The following BCCIP variants were observed in gnomAD, a reference collection of about 807,000 sequenced individuals.
BCCIP encodes BRCA2 and CDKN1A interacting protein.
BCCIP carries 23 observed loss-of-function variants against 32.8 expected under a neutral mutation model. The observed-to-expected ratio is 0.70, with a 90% CI of 0.51 to 0.99. BCCIP has a LOEUF of 0.99. BCCIP is among the 50% of genes least tolerant of loss of function. The pLI is 0.00. For synonymous variants in BCCIP, 144 were observed against 137.6 expected, an observed-to-expected ratio of 1.05 and a Z score of -0.33; for missense variants, 378 against 379.8, an observed-to-expected ratio of 1.00 and a Z score of 0.04.
intron 3 of BCCIP, among the ~76,000 whole-genome samples, chr10:125,828,678 A>G (rs1236009692): frequency 6.6e-6 from 1 of 152,196 alleles, no homozygotes; most frequent in Admixed American, 6.5e-5. Context: ...TCTTTGGGTT[A>G]TCTGTTGTTT....
intron 5 of BCCIP, among the ~76,000 whole-genome samples, chr10:125,831,964 A>T (rs886922199): frequency 1.2e-4 from 18 of 152,252 alleles, no homozygotes; most frequent in African/African-American, 4.3e-4. Context: ...AAACTGGTAA[A>T]GTTCCCAAAT....
At chr10:125,825,830 T>C (rs1488943605) in intron 1 of BCCIP, 2 of 152,258 alleles carry the variant, frequency 1.3e-5, no homozygotes, top group East Asian at 1.9e-4. Context: ...GGTTTTGTTT[T>C]TGGCATTTTA....
chr10:125,835,002 A>G (rs543581052), intron 6 of BCCIP, among the ~76,000 whole-genome samples: 57 of 151,696 alleles, frequency 3.8e-4, no homozygotes, highest in East Asian at 1.6e-3. Flanking sequence ...GCGTGGTGGC[A>G]CGTGCCTGTA....
At chr10:125,830,039 A>C (rs966472636) in intron 3 of BCCIP, among the ~76,000 whole-genome samples, 1 of 152,158 alleles carries the variant, frequency 6.6e-6, no homozygotes, top group African/African-American at 2.4e-5. Context: ...TCTCTTGCTA[A>C]TGTGATAGGT....
In BCCIP at chr10:125,830,463, A is replaced by G. The variant is rs183924169; in HGVS notation, c.322-99A>G. The G allele has an allele frequency of 5.4e-5, 38 of 699,962 alleles. No homozygotes were observed. The African/African-American group carries it at 6.7e-4, about 12-fold the overall frequency. The allele number at this position is 699,962 out of a possible 1,614,324, so 43.4% of individuals were successfully genotyped here. ...TGGTAAAACAAAGTTTTGCTTTTGA[A>G]AAGTGAAAAGATAAATGAGGCCTAC... On this transcript the variant is annotated intron_variant, in intron 3 of 6. Transcript: ENST00000278100.
downstream of BCCIP, among the ~76,000 whole-genome samples, chr10:125,843,276 T>C (rs1008857698): frequency 6.6e-6 from 1 of 152,036 alleles, no homozygotes; most frequent in African/African-American, 2.4e-5. Flanking sequence ...AAGTAACATA[T>C]GGTAAAAATT....
downstream of BCCIP, among the ~76,000 whole-genome samples, chr10:125,839,742 A>T (rs113117556): frequency 2.0e-5 from 3 of 152,320 alleles, no homozygotes; most frequent in African/African-American, 7.2e-5. Flanking sequence ...TTTATCTTAA[A>T]ATTCAGGCAT....
chr10:125,852,239 AG>A, intron 7 of BCCIP: 4 of 1,593,482 alleles, frequency 2.5e-6, no homozygotes, highest in Non-Finnish European at 3.4e-6. Flanking sequence ...GAGAATGGGC[AG>A]GAGAAGGTGA....
chr10:125,852,117 T>C (rs1168682277), intron 7 of BCCIP, among the ~76,000 whole-genome samples: 3 of 152,080 alleles, frequency 2.0e-5, no homozygotes, highest in Non-Finnish European at 1.5e-5. Flanking sequence ...TTTGTGGGGT[T>C]TTAAAAATTA....
chr10:125,833,676 C>T, intron 5 of BCCIP, 96 bp from the exon 6 acceptor site: 1 of 1,207,356 alleles, frequency 8.3e-7, no homozygotes, highest in Admixed American at 2.0e-5. Context: ...CAGCAGAACC[C>T]ACTGAAGATG....
At chr10:125,843,033 TTAAA>T (rs1854924282), downstream of BCCIP, among the ~76,000 whole-genome samples, 1 of 152,152 alleles carries the variant, frequency 6.6e-6, no homozygotes, top group Admixed American at 6.5e-5. Context: ...CTAATATTTA[TTAAA>T]TAAATACATG....
At chr10:125,827,268 A>G (rs995068661) in intron 2 of BCCIP, among the ~76,000 whole-genome samples, 6 of 151,922 alleles carry the variant, frequency 3.9e-5, no homozygotes, top group Non-Finnish European at 7.3e-5. Context: ...TTATAGCTCT[A>G]CCGTCTTTTT....
chr10:125,852,556 G>A (rs750220644), intron 7 of BCCIP: 1 of 1,613,596 alleles, frequency 6.2e-7, no homozygotes, highest in Middle Eastern at 1.7e-4. Context: ...AAGAAGATGA[G>A]CCAAGAATCT....
At chr10:125,829,114 G>A (rs988457769) in intron 3 of BCCIP, among the ~76,000 whole-genome samples, 4 of 152,142 alleles carry the variant, frequency 2.6e-5, no homozygotes, top group Non-Finnish European at 5.9e-5. Context: ...AAGTACCTAG[G>A]TCACTTTGTC....
chr10:125,847,384 T>G (rs1944035221), downstream of BCCIP, among the ~76,000 whole-genome samples: 1 of 152,160 alleles, frequency 6.6e-6, no homozygotes, highest in Admixed American at 6.5e-5. Context: ...TCAGAAGAAT[T>G]TAATATATCC....
At chr10:125,836,701 A>C, downstream of BCCIP, 1 of 1,614,078 alleles carries the variant, frequency 6.2e-7, no homozygotes, top group Non-Finnish European at 8.5e-7. Context: ...TGGAGAGTGC[A>C]TCTCTGTTCA....
chr10:125,838,534 A>G (rs1276422114), downstream of BCCIP: 1 of 806,148 alleles, frequency 1.2e-6, no homozygotes, highest in African/African-American at 1.7e-5. Flanking sequence ...TTTCACATGT[A>G]GAAAATAAGC....
downstream of BCCIP, chr10:125,841,157 G>C: frequency 1.4e-6 from 2 of 1,388,438 alleles, no homozygotes; most frequent in South Asian, 1.3e-5. Flanking sequence ...CAGAAATTTA[G>C]AGTGAGTCAT....
downstream of BCCIP, chr10:125,838,333 C>T (rs750725127): frequency 2.2e-5 from 36 of 1,613,482 alleles, no homozygotes; most frequent in South Asian, 3.8e-4. Context: ...AGCTGAGCAA[C>T]CTGCTTATGT....
Sources: gnomAD v4.1 joint callset for allele counts (sites outside exome capture counted in the v4.1 genomes callset) on GRCh38, gnomAD v4.1.1 for gene constraint, MANE v1.5 for transcripts, NCBI Gene and HGNC (gene_info 2026-07-23, HGNC 2026-07-21) for gene names.